TRPM1: variants seen among roughly 807,000 people sequenced by gnomAD.
The protein encoded by TRPM1 is transient receptor potential cation channel subfamily M member 1, also known as TRPM1-203 APA Isoform, Intron 10.
In TRPM1, 113 loss-of-function variants were observed where a neutral mutation model predicts 149.4. The ratio of observed to expected loss-of-function variants is 0.76; its 90% CI spans 0.65 to 0.88. The LOEUF (loss-of-function observed/expected upper bound fraction) is 0.88. Among genes scored for constraint, TRPM1 ranks in the 40% least tolerant of loss-of-function variants. The probability of loss-of-function intolerance (pLI) is 0.00; values close to 1 mark genes in which losing one functional copy is unlikely to be tolerated. For synonymous variants in TRPM1, 741 were observed against 759.5 expected (o/e 0.98, Z 0.40); for missense variants, 1,976 against 2,038.7 (o/e 0.97, Z 0.59).
exon 1 of TRPM1, chr15:31,160,927 G>C (rs1435223512): frequency 7.8e-6 from 12 of 1,535,398 alleles, no homozygotes; most frequent in Non-Finnish European, 1.0e-5. Flanking sequence ...CTGATGTGGA[G>C]CTCTTGAGCG....
intron 3 of TRPM1, among the ~76,000 whole-genome samples, chr15:31,071,846 T>A (rs1596039366): frequency 6.6e-6 from 1 of 150,408 alleles, no homozygotes; most frequent in Non-Finnish European, 1.5e-5. Flanking sequence ...CGTCTGTAAT[T>A]CCAGCTACTT....
intron 1 of TRPM1, among the ~76,000 whole-genome samples, chr15:31,159,182 G>GCAAAAA (rs2036414668): frequency 6.6e-6 from 1 of 152,132 alleles, no homozygotes. Flanking sequence ...TAAAGGAGGT[G>GCAAAAA]CTGTTTTTCA....
intron 1 of TRPM1, among the ~76,000 whole-genome samples, chr15:31,091,964 C>T (rs922473216): frequency 5.9e-5 from 9 of 152,322 alleles, no homozygotes; most frequent in East Asian, 1.9e-4. Flanking sequence ...AGCCCTCTTA[C>T]GAGGTGGGCT....
intron 27 of TRPM1, among the ~76,000 whole-genome samples, chr15:31,013,182 A>C (rs1482204585): frequency 2.0e-5 from 3 of 151,516 alleles, no homozygotes; most frequent in Admixed American, 1.3e-4. Context: ...CCAGTTTTAA[A>C]AATGATTTTA....
intron 3 of TRPM1, among the ~76,000 whole-genome samples, chr15:31,071,963 CA>C (rs71790815): frequency 0.16 from 4,874 of 30,258 alleles, 87 homozygotes; most frequent in Non-Finnish European, 0.18. Flanking sequence ...GACTCCGTCT[CA>C]AAAAAAAAAA....
intron 1 of TRPM1, among the ~76,000 whole-genome samples, chr15:31,155,400 G>C (rs1159724161): frequency 6.6e-6 from 1 of 152,174 alleles, no homozygotes; most frequent in African/African-American, 2.4e-5. Flanking sequence ...GATAACCAAG[G>C]GGAGTTTGCA....
rs570261070 is a variant in TRPM1, at chr15:31,017,153, A to C, written c.3629+8986T>G. On this transcript the variant is annotated intron_variant, in intron 27 of 27. Transcript: ENST00000256552. ...AACCCCCGTCTCTACTAAAACTACAAAAATTAGCCGGACATGGTGGCGTGC... is the reference window on the plus strand; with the variant it reads ...AACCCCCGTCTCTACTAAAACTACACAAATTAGCCGGACATGGTGGCGTGC... Among the ~76,000 whole-genome samples the C allele has an allele frequency of 5.9e-5, 9 of 152,160 alleles. No homozygotes were observed. In the East Asian group the frequency reaches 1.7e-3, roughly 29 times the overall value.
chr15:31,119,243 AAAATAAAT>A (rs71110839), intron 1 of TRPM1, among the ~76,000 whole-genome samples: 2 of 148,264 alleles, frequency 1.3e-5, no homozygotes, highest in African/African-American at 4.9e-5. Flanking sequence ...CTCCATCTCA[AAAATAAAT>A]AAATAAATAA....
chr15:31,036,459 C>A (rs1228156304), intron 20 of TRPM1, among the ~76,000 whole-genome samples: 5 of 151,928 alleles, frequency 3.3e-5, no homozygotes, highest in Non-Finnish European at 7.4e-5. Flanking sequence ...CAAGATCCTG[C>A]CTCCCAAGCC....
intron 1 of TRPM1, among the ~76,000 whole-genome samples, chr15:31,152,354 A>G (rs2036313817): frequency 6.6e-6 from 1 of 152,202 alleles, no homozygotes; most frequent in Admixed American, 6.5e-5. Flanking sequence ...TGGGTTCAAA[A>G]GGTGTCTTCA....
At chr15:31,145,926 AAAAC>A (rs914818734) in intron 1 of TRPM1, among the ~76,000 whole-genome samples, 2 of 152,044 alleles carry the variant, frequency 1.3e-5, no homozygotes, top group African/African-American at 4.8e-5. Context: ...ATACAAAAAA[AAAAC>A]AAAAACAAAA....
chr15:31,113,129 C>T (rs777372222), intron 1 of TRPM1, among the ~76,000 whole-genome samples: 1 of 152,140 alleles, frequency 6.6e-6, no homozygotes, highest in Non-Finnish European at 1.5e-5. Flanking sequence ...CTAAGATCAC[C>T]TCTCACTGTG....
intron 27 of TRPM1, among the ~76,000 whole-genome samples, chr15:31,005,574 A>C (rs2031960304): frequency 6.6e-6 from 1 of 152,284 alleles, no homozygotes; most frequent in Middle Eastern, 3.4e-3. Context: ...ACAATGCTTA[A>C]TGATGTGCCC....
At chr15:31,056,179 G>A (rs1180938774) in intron 11 of TRPM1, among the ~76,000 whole-genome samples, 4 of 152,172 alleles carry the variant, frequency 2.6e-5, no homozygotes, top group Non-Finnish European at 5.9e-5. Context: ...CAGTCTGGGA[G>A]AAGGGGACCA....
At chr15:31,055,593 A>T (rs189875558) in intron 11 of TRPM1, among the ~76,000 whole-genome samples, 5 of 152,300 alleles carry the variant, frequency 3.3e-5, no homozygotes, top group Admixed American at 6.5e-5. Flanking sequence ...CAGAGCAAGC[A>T]ACTGCATTCC....
Position 31,031,145 on chromosome 15 carries a change from G to C in TRPM1, c.2965C>G (p.Leu989Val). 1.2e-6 allele frequency: 2 copies of C among 1,614,176 alleles called. No individual in the cohort carries two copies. Residue 989 changes from leucine (L) to valine (V), a missense_variant, in exon 23 of 28, where the codon CTG (leucine) becomes GTG (valine). Physicochemically the swap from Leu to Val is conservative, Grantham distance 32. Transcript: ENST00000256552. ...ACCAGCATGATGACCACAAAGTACAGCATGTCGATCATCTGAGTAAGGAGA... is the reference window on the plus strand; with the variant it reads ...ACCAGCATGATGACCACAAAGTACACCATGTCGATCATCTGAGTAAGGAGA... ...MMIGKMMIDMLYFVVIMLVVL... is the reference protein window; with the variant it reads ...MMIGKMMIDMVYFVVIMLVVL...
intron 16 of TRPM1, among the ~76,000 whole-genome samples, chr15:31,045,455 C>T (rs2033736842): frequency 1.3e-5 from 2 of 152,066 alleles, no homozygotes; most frequent in Admixed American, 1.3e-4. Flanking sequence ...ATAATTTCTC[C>T]CTTTCTTGGG....
intron 27 of TRPM1, among the ~76,000 whole-genome samples, chr15:31,012,793 CTCT>C (rs1403207871): frequency 6.6e-6 from 1 of 151,960 alleles, no homozygotes; most frequent in African/African-American, 2.4e-5. Context: ...TGTTCAATTT[CTCT>C]TCATTTCCTC....
rs184390324 is a variant in TRPM1, at chr15:31,028,438, G to T, written c.3187C>A (p.Arg1063=). 38 of 1,614,032 alleles carry T rather than the reference G, an allele frequency of 2.4e-5. No individual in the cohort carries two copies. In the Admixed American group the frequency reaches 5.5e-4, roughly 23 times the overall value. ...GCGCCGGGGATACAGGGAGGAAGCC[G>T]CTTGCCCTCCTCATCATATAGGTTC... ...GENLYDEEGK[R]LPPCIPGAWL... The change falls in exon 25 of 28, where the codon CGG becomes AGG. Residue 1063 remains arginine, a synonymous_variant. Transcript: ENST00000256552.
Sources: allele counts gnomAD v4.1 joint callset (sites outside exome capture counted in the v4.1 genomes callset), GRCh38; gene constraint gnomAD v4.1.1; transcripts MANE v1.5; gene names NCBI Gene and HGNC (gene_info 2026-07-23, HGNC 2026-07-21).